The following PAPOLA variants were observed in gnomAD, a reference collection of about 807,000 sequenced individuals.
The protein encoded by PAPOLA is poly(A) polymerase alpha.
In PAPOLA, 15 loss-of-function variants were observed where a neutral mutation model predicts 100.6. The ratio of observed to expected loss-of-function variants is 0.15; its 90% CI spans 0.10 to 0.23. The LOEUF is 0.23. Among genes scored for constraint, PAPOLA ranks in the 10% least tolerant of loss-of-function variants. The pLI is 1.00. For missense variants in PAPOLA, 533 were observed against 884.2 expected, an observed-to-expected ratio of 0.60 and a Z score of 5.04; for synonymous variants, 293 against 300.0, an observed-to-expected ratio of 0.98 and a Z score of 0.24.
chr14:96,528,061 T>A, intron 6 of PAPOLA, 55 bp downstream of exon 6: 1 of 1,145,306 alleles, frequency 8.7e-7, no homozygotes, highest in South Asian at 1.2e-5. Context: ...TAATTTTGAT[T>A]GATATAGGTT....
At chr14:96,529,945 C>A (rs1452941402) in intron 6 of PAPOLA, among the ~76,000 whole-genome samples, 1 of 152,154 alleles carries the variant, frequency 6.6e-6, no homozygotes, top group Non-Finnish European at 1.5e-5. Flanking sequence ...GCTGTACTTT[C>A]CCCAGTGTTT....
At chr14:96,531,397 T>G in intron 6 of PAPOLA, 78 bp from the exon 7 acceptor site, 1 of 1,151,142 alleles carries the variant, frequency 8.7e-7, no homozygotes, top group Non-Finnish European at 1.2e-6. Context: ...GCTGGGATTT[T>G]TTGTTTGTTT....
rs1043849335 is a variant in PAPOLA, at chr14:96,524,095, C to T, written c.250-1215C>T. 2.6e-5 allele frequency among the ~76,000 whole-genome samples: 4 copies of T among 151,730 alleles called. 1 individual carries two copies. The highest frequency in any genetic ancestry group is 4.2e-4 in the South Asian group (2 of 4,812). Reference sequence around the variant, plus strand: ...ATGAAATAACACTTCATTTTATGTCCTTTTTCTTTTTTTTGAGAGGAAGGG... The same window carrying T: ...ATGAAATAACACTTCATTTTATGTCTTTTTTCTTTTTTTTGAGAGGAAGGG... On this transcript the variant is annotated intron_variant, in intron 3 of 21. Transcript: ENST00000216277.
intron 19 of PAPOLA, among the ~76,000 whole-genome samples, chr14:96,559,388 T>C (rs111463528): frequency 0.014 from 2,089 of 152,066 alleles, 43 homozygotes; most frequent in African/African-American, 0.047. Context: ...CACTCAGTAA[T>C]GCACTAACGT....
At chr14:96,552,450 A>G in intron 16 of PAPOLA, 30 bp from the exon 17 acceptor site, 1 of 1,582,370 alleles carries the variant, frequency 6.3e-7, no homozygotes, top group Non-Finnish European at 8.7e-7. Flanking sequence ...AAATAAAGAT[A>G]TATTTGATAA....
At chr14:96,535,496 T>C in intron 10 of PAPOLA, 1 of 986,580 alleles carries the variant, frequency 1.0e-6, no homozygotes, top group Non-Finnish European at 1.2e-6. Context: ...TTCTATCTTG[T>C]TGAAAATTAG....
chr14:96,511,417 A>T (rs565903354), intron 1 of PAPOLA, among the ~76,000 whole-genome samples: 87 of 152,260 alleles, frequency 5.7e-4, no homozygotes, highest in Middle Eastern at 3.4e-3. Flanking sequence ...TTAAATTGAG[A>T]TGCAAAGTAC....
At chr14:96,522,112 C>CTTTTTTTTTTTTTTTTTT (rs1350167869) in intron 3 of PAPOLA, among the ~76,000 whole-genome samples, 5 of 98,708 alleles carry the variant, frequency 5.1e-5, no homozygotes, top group South Asian at 4.0e-4. Context: ...CTCTTTCTTT[C>CTTTTTTTTTTTTTTTTTT]TTTCTTTTTT....
At chr14:96,548,788 TTGTC>T (rs1281737791) in intron 16 of PAPOLA, among the ~76,000 whole-genome samples, 3 of 152,114 alleles carry the variant, frequency 2.0e-5, no homozygotes, top group East Asian at 1.9e-4. Flanking sequence ...AAATGGCTGG[TTGTC>T]TGGGATTGGG....
Position 96,520,071 on chromosome 14 carries a change from G to A in PAPOLA, c.25G>A (p.Gly9Arg). The A allele has an allele frequency of 6.2e-7, 1 of 1,610,126 alleles. No individual in the cohort carries two copies. The highest frequency in any genetic ancestry group is 8.5e-7 in the Non-Finnish European group (1 of 1,178,690). ...TGTTTATAGTCCAGTTACAACACAG[G>A]GATCACAACAAACACAACCGCCACA... MPFPVTTQ[G>R]SQQTQPPQKH... The change falls in exon 2 of 22, where the codon GGA becomes AGA. Residue 9 changes from glycine to arginine, a missense_variant. Gly to Arg is a moderately radical substitution (Grantham distance 125). Transcript: ENST00000216277.
intron 17 of PAPOLA, among the ~76,000 whole-genome samples, chr14:96,553,722 G>T (rs1479998501): frequency 6.6e-6 from 1 of 152,084 alleles, no homozygotes; most frequent in Non-Finnish European, 1.5e-5. Context: ...ATGTTGGCCA[G>T]GCTGGTCTTG....
chr14:96,506,704 AAG>A (rs1896738044), intron 1 of PAPOLA, among the ~76,000 whole-genome samples: 2 of 152,366 alleles, frequency 1.3e-5, no homozygotes, highest in South Asian at 4.1e-4. Context: ...TGCTTAAAAA[AAG>A]AATGTTTTTT....
intron 12 of PAPOLA, chr14:96,537,747 C>A (rs528785248): frequency 6.6e-6 from 1 of 151,812 alleles, no homozygotes; most frequent in East Asian, 1.9e-4. Context: ...TTTTATTTGC[C>A]CTGGGCTGAA....
chr14:96,547,604 T>G (rs1900491216), intron 15 of PAPOLA, 193 bp from the exon 16 acceptor site: 1 of 451,750 alleles, frequency 2.2e-6, no homozygotes, highest in Non-Finnish European at 4.0e-6. Flanking sequence ...GTGCTTTTAT[T>G]CAGCTCATCT....
At position 96,531,462 on chromosome 14, in the gene PAPOLA, G is replaced by C. The variant is rs1030819662; in HGVS notation, c.496-13G>C. ...TTTGACAGATATGGAATGTTGTTTT[G>C]TTTGTGTTTCAGATTGATATTTTGT... On this transcript the variant is annotated splice_polypyrimidine_tract_variant and intron_variant, in intron 6 of 21. Coordinates refer to ENST00000216277, the MANE Select transcript of PAPOLA (RefSeq NM_032632.5). 4.4e-6 allele frequency: 7 copies of C among 1,580,990 alleles called. No homozygotes were observed. In the African/African-American group the frequency reaches 9.5e-5, roughly 21 times the overall value.
chr14:96,552,644 G>A lies in PAPOLA; in HGVS notation c.1664+22G>A, dbSNP rs751743900. Reference sequence around the variant, plus strand: ...AGGGGTAAGGAAAAAGAGGGAAATAGAAGTGGAGGGGCTGTTTGCTAAATC... The same window carrying A: ...AGGGGTAAGGAAAAAGAGGGAAATAAAAGTGGAGGGGCTGTTTGCTAAATC... On this transcript the variant is annotated intron_variant, in intron 17 of 21. Coordinates refer to ENST00000216277, the MANE Select transcript of PAPOLA (RefSeq NM_032632.5). 1.9e-5 allele frequency: 30 copies of A among 1,604,624 alleles called. No individual in the cohort carries two copies. In the South Asian group the frequency reaches 2.5e-4, roughly 13 times the overall value.
rs773404484 is a variant in PAPOLA at position 96,542,763 on chromosome 14, C to CAT, written c.1170-10_1170-9dup. 2 of 1,587,938 alleles carry CAT rather than the reference C, an allele frequency of 1.3e-6. No homozygotes were observed. The highest frequency in any genetic ancestry group is 4.5e-5 in the East Asian group (2 of 44,436). On this transcript the variant is annotated splice_polypyrimidine_tract_variant and intron_variant, in intron 13 of 21. Transcript: ENST00000216277. ...AAAACTTTTTGTTAATACTAAGTGA[C>CAT]ATTTGTTCAGGGTGGGCTTGGTGGA...
Position 96,565,137 on chromosome 14 carries a change from C to CT in PAPOLA, c.*88dup. 1.3e-6 allele frequency: 1 copy of CT among 759,410 alleles called. No individual in the cohort carries two copies. The highest frequency in any genetic ancestry group is 2.4e-6 in the Non-Finnish European group (1 of 424,626). 47.0% of individuals were successfully genotyped at this position (759,410 alleles called of 1,614,324 possible). Reference sequence around the variant, plus strand: ...AAAAAGGAGAATGGAGGGTACAAGACTAGACATGACTGAAATGGATTTGGG... The same window carrying CT: ...AAAAAGGAGAATGGAGGGTACAAGACTTAGACATGACTGAAATGGATTTGGG... On this transcript the variant is annotated 3_prime_UTR_variant, in exon 22 of 22. Transcript: ENST00000216277.
intron 16 of PAPOLA, among the ~76,000 whole-genome samples, chr14:96,548,615 A>G (rs79106400): frequency 0.055 from 8,333 of 152,278 alleles, 225 homozygotes; most frequent in Non-Finnish European, 0.057. Flanking sequence ...ATGAACTACA[A>G]CTGCATATAC....
Sources: allele counts gnomAD v4.1 joint callset (sites outside exome capture counted in the v4.1 genomes callset), GRCh38; gene constraint gnomAD v4.1.1; transcripts MANE v1.5; gene names NCBI Gene and HGNC (gene_info 2026-07-23, HGNC 2026-07-21).